SPMIP6: variants seen among roughly 807,000 people sequenced by gnomAD.
SPMIP6 encodes the protein ciliated bronchial epithelial protein 1.
chr9:34,397,406 C>A, the SPMIP6 span: 1 of 1,393,868 alleles, frequency 7.2e-7, no homozygotes, highest in Non-Finnish European at 1.0e-6. Context: ...CACACACATA[C>A]ACAAAGCTAC....
the SPMIP6 span, chr9:34,380,686 A>C: frequency 6.5e-7 from 1 of 1,546,830 alleles, no homozygotes; most frequent in Non-Finnish European, 8.7e-7. Flanking sequence ...GGGGACTTGG[A>C]GTAACCTTCG....
the SPMIP6 span, chr9:34,385,690 G>A: frequency 6.2e-7 from 1 of 1,613,826 alleles, no homozygotes; most frequent in Non-Finnish European, 8.5e-7. Flanking sequence ...GCCTGATATG[G>A]ACCCCCTATA....
chr9:34,384,087 C>A, the SPMIP6 span, among the ~76,000 whole-genome samples: 1 of 152,130 alleles, frequency 6.6e-6, no homozygotes, highest in Non-Finnish European at 1.5e-5. Flanking sequence ...GAAGCCCTAG[C>A]GAAGAGCAGC....
chr9:34,380,409 T>G, the SPMIP6 span, among the ~76,000 whole-genome samples: 1 of 152,164 alleles, frequency 6.6e-6, no homozygotes, highest in Non-Finnish European at 1.5e-5. Context: ...CCGGCTCACG[T>G]AGCCCCCAGG....
At chr9:34,390,331 GT>G in the SPMIP6 span, among the ~76,000 whole-genome samples, 1 of 151,792 alleles carries the variant, frequency 6.6e-6, no homozygotes, top group Non-Finnish European at 1.5e-5. Flanking sequence ...GTTATAAATG[GT>G]TAATAAATTT....
At chr9:34,389,530 C>G in the SPMIP6 span, among the ~76,000 whole-genome samples, 2 of 152,178 alleles carry the variant, frequency 1.3e-5, no homozygotes, top group African/African-American at 2.4e-5. Context: ...CAGGCACACA[C>G]TACCATGCCC....
chr9:34,382,754 C>T, the SPMIP6 span: 1 of 1,611,624 alleles, frequency 6.2e-7, no homozygotes, highest in Non-Finnish European at 8.5e-7. Context: ...CAACAGATAC[C>T]TTAGGCAGCC....
At chr9:34,379,492 T>A in the SPMIP6 span, among the ~76,000 whole-genome samples, 1 of 152,156 alleles carries the variant, frequency 6.6e-6, no homozygotes, top group African/African-American at 2.4e-5. This position sits in a 1 kb window ranked among gnomAD's most constrained non-coding sequence, Gnocchi z 4.2. Flanking sequence ...TTACCACCTT[T>A]GACTGCTCCA....
chr9:34,394,783 A>G, the SPMIP6 span, among the ~76,000 whole-genome samples: 2 of 152,178 alleles, frequency 1.3e-5, no homozygotes, highest in African/African-American at 4.8e-5. Flanking sequence ...TTATAGTGCT[A>G]ATAATGGCAT....
At chr9:34,390,723 A>G in the SPMIP6 span, among the ~76,000 whole-genome samples, 83 of 152,198 alleles carry the variant, frequency 5.5e-4, no homozygotes, top group African/African-American at 1.9e-3. Flanking sequence ...GGGCTCAAGC[A>G]TTCCTCCTGC....
chr9:34,381,838 A>G, the SPMIP6 span: 2 of 939,868 alleles, frequency 2.1e-6, no homozygotes, highest in Non-Finnish European at 2.5e-6. The surrounding 1 kb of genome is among the most constrained non-coding windows in gnomAD (Gnocchi z 4.4). Flanking sequence ...AGGAAGTTCT[A>G]ATTCAAAAGG....
chr9:34,384,633 C>G, the SPMIP6 span, among the ~76,000 whole-genome samples: 1 of 152,210 alleles, frequency 6.6e-6, no homozygotes, highest in Admixed American at 6.5e-5. Context: ...ACATTCCCAA[C>G]TTCCATTGGG....
chr9:34,396,480 C>T, the SPMIP6 span, among the ~76,000 whole-genome samples: 3 of 152,260 alleles, frequency 2.0e-5, no homozygotes, highest in African/African-American at 7.2e-5. Flanking sequence ...GCCAGAGTGG[C>T]CTAACTCACA....
At chr9:34,382,697 G>A in the SPMIP6 span, 1 of 1,074,404 alleles carries the variant, frequency 9.3e-7, no homozygotes, top group South Asian at 1.2e-5. Flanking sequence ...TAGTTTGGGA[G>A]GTGGTGGGGT....
the SPMIP6 span, chr9:34,382,606 T>A: frequency 1.6e-6 from 1 of 614,206 alleles, no homozygotes; most frequent in Non-Finnish European, 3.0e-6. Context: ...AAATACAAAC[T>A]CTAGTTTCAC....
the SPMIP6 span, chr9:34,397,694 G>T: frequency 2.0e-6 from 3 of 1,515,858 alleles, no homozygotes; most frequent in Non-Finnish European, 1.8e-6. Context: ...CTGGACATCA[G>T]TGACCACCCT....
the SPMIP6 span, chr9:34,381,104 T>A: frequency 6.2e-7 from 1 of 1,605,124 alleles, no homozygotes; most frequent in Middle Eastern, 1.7e-4. The surrounding 1 kb of genome is among the most constrained non-coding windows in gnomAD (Gnocchi z 4.4). Flanking sequence ...CGACAGTGAG[T>A]TCAGCATGTT....
At chr9:34,395,855 T>A in the SPMIP6 span, among the ~76,000 whole-genome samples, 1 of 152,252 alleles carries the variant, frequency 6.6e-6, no homozygotes, top group Admixed American at 6.5e-5. Context: ...TCTGTTCATC[T>A]ACTTTTTAAA....
chr9:34,382,794 C>A, the SPMIP6 span: 1 of 1,614,146 alleles, frequency 6.2e-7, no homozygotes, highest in Non-Finnish European at 8.5e-7. Flanking sequence ...CTTGTTGCAG[C>A]AGCTGCTGTT....
Sources: allele counts gnomAD v4.1 joint callset (sites outside exome capture counted in the v4.1 genomes callset), GRCh38; gene constraint gnomAD v4.1.1; non-coding constraint Gnocchi (gnomAD v3.1); transcripts MANE v1.5; gene names NCBI Gene and HGNC (gene_info 2026-07-23, HGNC 2026-07-21).